SYT9: variants seen among roughly 807,000 people sequenced by gnomAD.
SYT9 encodes synaptotagmin 9, also known as synaptotagmin-9.
A neutral mutation model predicts 48.4 loss-of-function variants in SYT9; 22 were observed. The observed-to-expected ratio is 0.45, with a 90% CI of 0.32 to 0.65. The LOEUF is 0.65. SYT9 is among the 30% of genes least tolerant of loss of function. The pLI is 0.03. For synonymous variants in SYT9, 265 were observed against 245.0 expected (o/e 1.08, Z -0.76); for missense variants, 577 against 622.0 (o/e 0.93, Z 0.77).
intron 1 of SYT9, among the ~76,000 whole-genome samples, chr11:7,264,085 G>A (rs1399547493): frequency 6.6e-6 from 1 of 152,066 alleles, no homozygotes; most frequent in Non-Finnish European, 1.5e-5. Context: ...GGGCACAGGT[G>A]GGCAGATGTG....
rs368035428 is a variant in SYT9 at position 7,278,143 on chromosome 11, G to T, written c.146-24896G>T. Among the ~76,000 whole-genome samples, 11 of 152,268 alleles carry T rather than the reference G, an allele frequency of 7.2e-5. No homozygotes were observed. In the South Asian group the frequency reaches 1.9e-3, roughly 26 times the overall value. On this transcript the variant is annotated intron_variant, in intron 1 of 6. Transcript: ENST00000318881. Reference sequence around the variant, plus strand: ...CTTCTTCTACATCTAATTGCCCTGGGTCGAGGCAGGGTATCACAGGGCAAG... The same window carrying T: ...CTTCTTCTACATCTAATTGCCCTGGTTCGAGGCAGGGTATCACAGGGCAAG...
At chr11:7,308,243 A>G (rs2200651) in intron 2 of SYT9, among the ~76,000 whole-genome samples, 9,336 of 152,254 alleles carry the variant, frequency 0.061, 382 homozygotes, top group Non-Finnish European at 0.099. Context: ...TGAAACCACA[A>G]TTTGCTTCTC....
At position 7,262,509 on chromosome 11, in the gene SYT9, C is replaced by T. The variant is rs188299089; in HGVS notation, c.145+10178C>T. Among the ~76,000 whole-genome samples, 60 of 151,838 alleles carry T rather than the reference C, an allele frequency of 4.0e-4. 1 individual carries two copies. The highest frequency in any genetic ancestry group is 1.3e-3 in the African/African-American group (52 of 41,390). On this transcript the variant is annotated intron_variant, in intron 1 of 6. Transcript: ENST00000318881. ...CGCACTAAGTTCTGGAACTGTCCAA[C>T]GGTAAGAGGCTAGAGAGAACTTGAG...
chr11:7,449,048 C>T (rs1172058263), intron 6 of SYT9, among the ~76,000 whole-genome samples: 1 of 152,002 alleles, frequency 6.6e-6, no homozygotes, highest in Non-Finnish European at 1.5e-5. Flanking sequence ...GCAAAGGCAT[C>T]AAGGAGCAAA....
chr11:7,432,734 A>G (rs1422099717), intron 6 of SYT9, among the ~76,000 whole-genome samples: 1 of 150,382 alleles, frequency 6.6e-6, no homozygotes, highest in Non-Finnish European at 1.5e-5. Flanking sequence ...TGTTTATCCA[A>G]TGCTTGTACC....
rs1445789987 is a variant in SYT9, at chr11:7,468,416, G to A, written c.*1616G>A. The A allele has an allele frequency of 5.0e-6, 2 of 397,786 alleles. No individual in the cohort carries two copies. Among genetic ancestry groups the A allele is most frequent in the Admixed American group, 8.8e-5 (2 of 22,682 alleles). 24.6% of individuals were successfully genotyped at this position (397,786 alleles called of 1,614,324 possible). On this transcript the variant is annotated 3_prime_UTR_variant, in exon 7 of 7. Coordinates refer to ENST00000318881, the MANE Select transcript of SYT9 (RefSeq NM_175733.4). ...CTTCTCTGATTGGCTTCCAACCACT[G>A]GGATTCAAAGAGAATCCAAGGTTCT... is the stretch of plus-strand genomic sequence containing the variant.
At chr11:7,312,092 T>C (rs1450042226) in intron 2 of SYT9, among the ~76,000 whole-genome samples, 1 of 152,130 alleles carries the variant, frequency 6.6e-6, no homozygotes, top group African/African-American at 2.4e-5. Flanking sequence ...ATGGACTGTG[T>C]TAGATGTGAC....
intron 3 of SYT9, among the ~76,000 whole-genome samples, chr11:7,367,230 C>T (rs189881046): frequency 0.022 from 3,286 of 147,366 alleles, 106 homozygotes; most frequent in African/African-American, 0.073. Context: ...TACAGGCGCC[C>T]GCCACTACGC....
chr11:7,370,514 T>C (rs1484190795), intron 3 of SYT9, among the ~76,000 whole-genome samples: 1 of 152,156 alleles, frequency 6.6e-6, no homozygotes, highest in Non-Finnish European at 1.5e-5. Flanking sequence ...TAGACTGTGA[T>C]GATGGTTGGA....
At chr11:7,254,113 G>A (rs1186512666) in intron 1 of SYT9, among the ~76,000 whole-genome samples, 4 of 152,194 alleles carry the variant, frequency 2.6e-5, no homozygotes, top group Non-Finnish European at 5.9e-5. Flanking sequence ...CAACCCCTGA[G>A]AAAGAGTCAC....
chr11:7,387,113 A>C (rs1024605689), intron 3 of SYT9, among the ~76,000 whole-genome samples: 12 of 152,184 alleles, frequency 7.9e-5, no homozygotes, highest in Non-Finnish European at 4.4e-5. Flanking sequence ...ACACATGGAC[A>C]CAAGAAGGGG....
chr11:7,464,960 C>T (rs986155193), intron 6 of SYT9, among the ~76,000 whole-genome samples: 6 of 151,034 alleles, frequency 4.0e-5, no homozygotes, highest in Admixed American at 6.6e-5. Flanking sequence ...TGGTGGCGGG[C>T]GCCTGTAGTC....
At chr11:7,311,881 G>T (rs1849140592) in intron 2 of SYT9, among the ~76,000 whole-genome samples, 1 of 152,128 alleles carries the variant, frequency 6.6e-6, no homozygotes, top group Admixed American at 6.5e-5. Flanking sequence ...TGATCTGGCT[G>T]CACTAGCTCA....
intron 3 of SYT9, among the ~76,000 whole-genome samples, chr11:7,401,272 C>T (rs1483389778): frequency 6.6e-6 from 1 of 151,314 alleles, no homozygotes; most frequent in Non-Finnish European, 1.5e-5. Flanking sequence ...CAGGCTTAGG[C>T]ATTATCCTGT....
At chr11:7,448,779 C>T (rs1847985851) in intron 6 of SYT9, among the ~76,000 whole-genome samples, 1 of 152,158 alleles carries the variant, frequency 6.6e-6, no homozygotes. Context: ...GAGTGAGGGG[C>T]AGGGTCTCTA....
chr11:7,352,999 A>G (rs1849946592), intron 3 of SYT9, among the ~76,000 whole-genome samples: 1 of 152,162 alleles, frequency 6.6e-6, no homozygotes, highest in South Asian at 2.1e-4. Flanking sequence ...TACACGTATA[A>G]AACTTGTAAG....
intron 3 of SYT9, among the ~76,000 whole-genome samples, chr11:7,392,642 A>G (rs1247008353): frequency 1.3e-5 from 2 of 152,158 alleles, no homozygotes; most frequent in Non-Finnish European, 2.9e-5. Context: ...TCTGTGAAAA[A>G]TGACATTGCT....
At chr11:7,405,977 GGC>G (rs1846999976) in intron 3 of SYT9, among the ~76,000 whole-genome samples, 4 of 152,058 alleles carry the variant, frequency 2.6e-5, no homozygotes, top group African/African-American at 7.2e-5. Context: ...GGCTGTTCTA[GGC>G]AGCTGGGATG....
intron 3 of SYT9, among the ~76,000 whole-genome samples, chr11:7,344,348 G>C (rs1849763604): frequency 6.6e-6 from 1 of 151,890 alleles, no homozygotes; most frequent in African/African-American, 2.4e-5. Flanking sequence ...CCCAAGCTAT[G>C]GCTTTTTATT....
Sources: allele counts gnomAD v4.1 joint callset (sites outside exome capture counted in the v4.1 genomes callset), GRCh38; gene constraint gnomAD v4.1.1; transcripts MANE v1.5; gene names NCBI Gene and HGNC (gene_info 2026-07-23, HGNC 2026-07-21).